The following PPP3CA variants were observed in gnomAD, a reference collection of about 807,000 sequenced individuals.
PPP3CA encodes the protein protein phosphatase 3 catalytic subunit alpha.
A neutral mutation model predicts 66.5 loss-of-function variants in PPP3CA; 14 were observed. The observed-to-expected ratio is 0.21, with a 90% CI of 0.14 to 0.33. PPP3CA has a LOEUF of 0.33. Ranked by LOEUF, PPP3CA falls within the 10% of genes least tolerant of loss-of-function variation. The probability of loss-of-function intolerance (pLI) is 1.00; values close to 1 mark genes in which losing one functional copy is unlikely to be tolerated. For synonymous variants in PPP3CA, 232 were observed against 226.2 expected, an observed-to-expected ratio of 1.03 and a Z score of -0.23; for missense variants, 317 against 639.5, an observed-to-expected ratio of 0.50 and a Z score of 5.44.
chr4:101,203,743 A>C (rs1385038383), intron 1 of PPP3CA, among the ~76,000 whole-genome samples: 1 of 152,106 alleles, frequency 6.6e-6, no homozygotes, highest in Non-Finnish European at 1.5e-5. Flanking sequence ...AAGGACACAG[A>C]AATGAGTGAC....
intron 2 of PPP3CA, among the ~76,000 whole-genome samples, chr4:101,184,611 AC>A (rs1405723862): frequency 1.3e-5 from 2 of 151,220 alleles, no homozygotes; most frequent in Non-Finnish European, 2.9e-5. Flanking sequence ...AAATAATTTC[AC>A]CTGTTTCTTT....
intron 10 of PPP3CA, among the ~76,000 whole-genome samples, chr4:101,052,574 C>CA (rs1467197149): frequency 6.6e-6 from 1 of 150,902 alleles, no homozygotes; most frequent in Non-Finnish European, 1.5e-5. Flanking sequence ...TGAAAACAAA[C>CA]AAAAAAACCA....
chr4:101,124,799 G>GAAAGAAAGAAAAAGAA lies in PPP3CA; in HGVS notation c.260-15722_260-15721insTTCTTTTTCTTTCTTT, dbSNP rs1399400422. The stretch of plus-strand genomic sequence containing the variant: ...AGAAAGAAAGAAAGAAAGAAAGAAA[G>GAAAGAAAGAAAAAGAA]AGAAAACTGTATTGGTGTTGAGGAG... On this transcript the variant is annotated intron_variant, in intron 2 of 13. Transcript: ENST00000394854. 3.7e-4 allele frequency among the ~76,000 whole-genome samples: 37 copies of GAAAGAAAGAAAAAGAA among 100,382 alleles called. 1 individual carries two copies. Among genetic ancestry groups the GAAAGAAAGAAAAAGAA allele is most frequent in the African/African-American group, 1.9e-3 (37 of 19,782 alleles). 65.9% of individuals were successfully genotyped at this position (100,382 alleles called of 152,430 possible).
At chr4:101,045,704 T>TA (rs1371570195) in intron 10 of PPP3CA, among the ~76,000 whole-genome samples, 1 of 152,176 alleles carries the variant, frequency 6.6e-6, no homozygotes, top group Non-Finnish European at 1.5e-5. Context: ...GTCTAACCTG[T>TA]AAAGGCTTTA....
chr4:101,118,603 A>G (rs1721923413), intron 2 of PPP3CA, among the ~76,000 whole-genome samples: 2 of 151,786 alleles, frequency 1.3e-5, no homozygotes, highest in Admixed American at 6.6e-5. Context: ...ACCTTAGTCA[A>G]TAAGTGATGC....
chr4:101,138,590 C>T (rs916800040), intron 2 of PPP3CA, among the ~76,000 whole-genome samples: 1 of 152,116 alleles, frequency 6.6e-6, no homozygotes, highest in African/African-American at 2.4e-5. Flanking sequence ...TTAAATATTC[C>T]AATGAGCATT....
At chr4:101,215,735 T>C (rs1377831334) in intron 1 of PPP3CA, among the ~76,000 whole-genome samples, 1 of 152,114 alleles carries the variant, frequency 6.6e-6, no homozygotes, top group Non-Finnish European at 1.5e-5. Flanking sequence ...AAAAAATTTC[T>C]AATTTAATAA....
intron 1 of PPP3CA, among the ~76,000 whole-genome samples, chr4:101,291,137 CTATTCAGT>C (rs57819680): frequency 0.35 from 51,911 of 150,422 alleles, 13,028 homozygotes; most frequent in African/African-American, 0.7. Flanking sequence ...CTTAACTAGG[CTATTCAGT>C]TATTCAGTTA....
intron 1 of PPP3CA, among the ~76,000 whole-genome samples, chr4:101,234,780 C>T (rs559360207): frequency 3.0e-4 from 45 of 151,754 alleles, no homozygotes; most frequent in East Asian, 2.5e-3. Context: ...AAGTAAAAGA[C>T]GTACAAAAAT....
At chr4:101,173,357 C>T (rs1268496201) in intron 2 of PPP3CA, among the ~76,000 whole-genome samples, 1 of 151,388 alleles carries the variant, frequency 6.6e-6, no homozygotes, top group African/African-American at 2.4e-5. Flanking sequence ...CCTAGTGGTT[C>T]ACAATTTGAG....
At chr4:101,342,656 T>C (rs1192777670) in intron 1 of PPP3CA, among the ~76,000 whole-genome samples, 3 of 152,120 alleles carry the variant, frequency 2.0e-5, no homozygotes, top group Non-Finnish European at 2.9e-5. Flanking sequence ...ATTCATGATA[T>C]TGAATTAATA....
At chr4:101,162,028 T>G (rs902378555) in intron 2 of PPP3CA, among the ~76,000 whole-genome samples, 8 of 152,012 alleles carry the variant, frequency 5.3e-5, no homozygotes, top group Non-Finnish European at 1.2e-4. Flanking sequence ...TCACCTGAGG[T>G]CAGGAGTTCG....
chr4:101,145,176 T>G (rs994268070), intron 2 of PPP3CA, among the ~76,000 whole-genome samples: 2 of 152,194 alleles, frequency 1.3e-5, no homozygotes, highest in African/African-American at 4.8e-5. Context: ...GGAAACTTTG[T>G]CTGCTGTTGG....
chr4:101,054,809 A>G (rs1728160423), intron 10 of PPP3CA, among the ~76,000 whole-genome samples: 1 of 152,106 alleles, frequency 6.6e-6, no homozygotes, highest in South Asian at 2.1e-4. Flanking sequence ...TCACTTGCTT[A>G]TGGTTAACAT....
At chr4:101,296,939 T>C (rs564140315) in intron 1 of PPP3CA, among the ~76,000 whole-genome samples, 51 of 152,300 alleles carry the variant, frequency 3.3e-4, no homozygotes, top group Non-Finnish European at 6.8e-4. Context: ...TGAAGTTAAA[T>C]AGCAATACAT....
Position 101,071,105 on chromosome 4 carries a change from T to G in PPP3CA, c.956-7748A>C, listed in dbSNP as rs535923135. 1.8e-4 allele frequency among the ~76,000 whole-genome samples: 27 copies of G among 152,300 alleles called. No homozygotes were observed. The South Asian group carries it at 5.0e-3, about 28-fold the overall frequency. On this transcript the variant is annotated intron_variant, in intron 8 of 13. Coordinates refer to ENST00000394854, the MANE Select transcript of PPP3CA (RefSeq NM_000944.5). Reference sequence around the variant, plus strand: ...GATGGCACGGGCATAGCAAACACTGTGCCTTCACCTTGCTCTCATTCAGTG... The same window carrying G: ...GATGGCACGGGCATAGCAAACACTGGGCCTTCACCTTGCTCTCATTCAGTG...
chr4:101,324,241 G>A (rs1048683598), intron 1 of PPP3CA, among the ~76,000 whole-genome samples: 3 of 151,106 alleles, frequency 2.0e-5, no homozygotes, highest in East Asian at 2.0e-4. Flanking sequence ...AAGGGAGGGA[G>A]GGAAGGAAAC....
At chr4:101,173,774 A>G (rs564152039) in intron 2 of PPP3CA, among the ~76,000 whole-genome samples, 1 of 152,182 alleles carries the variant, frequency 6.6e-6, no homozygotes, top group East Asian at 1.9e-4. Context: ...GAAAAAAAAG[A>G]GCATGGTGGA....
chr4:101,059,610 A>C (rs1178886646), intron 10 of PPP3CA, among the ~76,000 whole-genome samples: 1 of 152,174 alleles, frequency 6.6e-6, no homozygotes, highest in African/African-American at 2.4e-5. Context: ...TAAACATTAA[A>C]TCATGTCATT....
Sources: allele counts gnomAD v4.1 joint callset (sites outside exome capture counted in the v4.1 genomes callset), GRCh38; gene constraint gnomAD v4.1.1; transcripts MANE v1.5; gene names NCBI Gene and HGNC (gene_info 2026-07-23, HGNC 2026-07-21).